Variants in PPP2R2C observed in about 807,000 individuals in gnomAD.
PPP2R2C encodes protein phosphatase 2, regulatory subunit B, gamma.
In PPP2R2C, 10 loss-of-function variants were observed where a neutral mutation model predicts 45.3. That is an observed-to-expected ratio of 0.22 (90% CI 0.14 to 0.37). PPP2R2C has a LOEUF of 0.37. PPP2R2C is among the 10% of genes least tolerant of loss of function. PPP2R2C has a pLI of 1.00. For missense variants in PPP2R2C, 308 were observed against 619.7 expected (o/e 0.50, Z 5.34); for synonymous variants, 257 against 245.4 (o/e 1.05, Z -0.44).
At chr4:6,446,687 A>T (rs1378071899) in intron 1 of PPP2R2C, among the ~76,000 whole-genome samples, 1 of 152,084 alleles carries the variant, frequency 6.6e-6, no homozygotes, top group East Asian at 1.9e-4. Context: ...ATCAGCCATC[A>T]GCTGACTGGA....
intron 1 of PPP2R2C, among the ~76,000 whole-genome samples, chr4:6,420,255 C>T (rs934335269): frequency 2.6e-5 from 4 of 152,208 alleles, no homozygotes; most frequent in African/African-American, 9.7e-5. Context: ...TGACAAATGA[C>T]CTGTTTCTTG....
At position 6,472,354 on chromosome 4, in the gene PPP2R2C, C is replaced by G; in HGVS notation, c.-125G>C. On this transcript the variant is annotated 5_prime_UTR_variant, in exon 1 of 9. Transcript: ENST00000382599. ...GCAGGGGCGCGGGCCGCCGGGGCCC[C>G]GAAGGGAGGGCATCGCGGCAGGGGG... The G allele has an allele frequency of 2.5e-6, 3 of 1,218,678 alleles. No individual in the cohort carries two copies. The highest frequency in any genetic ancestry group is 3.7e-5 in the East Asian group (1 of 27,268). The allele number at this position is 1,218,678 out of a possible 1,614,324, so 75.5% of individuals were successfully genotyped here.
chr4:6,496,347 C>G (rs763000603), intron 2 of PPP2R2C, among the ~76,000 whole-genome samples: 2 of 152,196 alleles, frequency 1.3e-5, no homozygotes, highest in African/African-American at 2.4e-5. Context: ...ACCCCACCAG[C>G]CCAGGCCTCT....
intron 1 of PPP2R2C, among the ~76,000 whole-genome samples, chr4:6,540,921 G>T (rs138968455): frequency 6.6e-6 from 1 of 152,230 alleles, no homozygotes; most frequent in South Asian, 2.1e-4. Flanking sequence ...ATCCAGCACT[G>T]GAGCAGAACT....
intron 1 of PPP2R2C, among the ~76,000 whole-genome samples, chr4:6,400,540 A>G (rs926552567): frequency 6.6e-6 from 1 of 152,210 alleles, no homozygotes; most frequent in Admixed American, 6.5e-5. Flanking sequence ...GGGTCCTAAG[A>G]CCAAAAAGTT....
chr4:6,354,896 C>T (rs559445842), intron 5 of PPP2R2C, among the ~76,000 whole-genome samples: 2 of 152,280 alleles, frequency 1.3e-5, no homozygotes, highest in African/African-American at 4.8e-5. Flanking sequence ...GTCCAATCAA[C>T]CCAGGTCGTG....
chr4:6,335,208 C>A (rs1732750961), intron 6 of PPP2R2C, among the ~76,000 whole-genome samples: 1 of 152,194 alleles, frequency 6.6e-6, no homozygotes, highest in Non-Finnish European at 1.5e-5. Context: ...CAGATACAGA[C>A]AATAAAACTA....
At chr4:6,477,360 A>T (rs956566853), upstream of PPP2R2C, among the ~76,000 whole-genome samples, 11 of 152,156 alleles carry the variant, frequency 7.2e-5, 1 homozygote, top group Admixed American at 2.0e-4. Context: ...TTGATCCACA[A>T]CCTTCTTAAA....
chr4:6,326,958 G>C (rs1049549747), intron 8 of PPP2R2C, among the ~76,000 whole-genome samples: 1 of 152,240 alleles, frequency 6.6e-6, no homozygotes, highest in African/African-American at 2.4e-5. Flanking sequence ...GGTCTGCAAG[G>C]ATGTGGGAAC....
chr4:6,511,591 G>A (rs796228940), intron 2 of PPP2R2C, among the ~76,000 whole-genome samples: 1 of 37,542 alleles, frequency 2.7e-5, no homozygotes, highest in Non-Finnish European at 6.0e-5. Context: ...GGTGGTGGTG[G>A]TGGTGATGGG....
chr4:6,398,472 A>C (rs575476760), intron 1 of PPP2R2C, among the ~76,000 whole-genome samples: 1 of 152,316 alleles, frequency 6.6e-6, no homozygotes, highest in South Asian at 2.1e-4. Flanking sequence ...AAACCAAAAT[A>C]CAAGAATGGT....
At chr4:6,558,596 T>C (rs1725487195) in intron 1 of PPP2R2C, among the ~76,000 whole-genome samples, 1 of 152,200 alleles carries the variant, frequency 6.6e-6, no homozygotes, top group African/African-American at 2.4e-5. Flanking sequence ...CTAGGTTGGA[T>C]TTCAGATTCT....
At chr4:6,358,469 A>T (rs1311224639) in intron 5 of PPP2R2C, among the ~76,000 whole-genome samples, 2 of 151,972 alleles carry the variant, frequency 1.3e-5, no homozygotes, top group Non-Finnish European at 2.9e-5. Flanking sequence ...TGGCAACAAA[A>T]GCCAAAATAG....
intron 1 of PPP2R2C, among the ~76,000 whole-genome samples, chr4:6,429,666 C>T (rs1284991879): frequency 6.6e-6 from 1 of 152,176 alleles, no homozygotes; most frequent in African/African-American, 2.4e-5. Context: ...AAAGCTCCGA[C>T]AGGGATGAAA....
chr4:6,345,149 T>A lies in PPP2R2C; in HGVS notation c.790+2697A>T, dbSNP rs1711720018. On this transcript the variant is annotated intron_variant, in intron 6 of 8. Coordinates refer to ENST00000382599, the MANE Select transcript of PPP2R2C (RefSeq NM_020416.4). The surrounding 1 kb of genome is among the most constrained non-coding windows in gnomAD (Gnocchi z 5.3). ...ACAACAGGGTGCCAATGAAGCCCCA[T>A]CCTCCTTCCCACAGGGCTCACACGG... Among the ~76,000 whole-genome samples, 2 of 152,290 alleles carry A rather than the reference T, an allele frequency of 1.3e-5. No individual in the cohort carries two copies. Among genetic ancestry groups the A allele is most frequent in the African/African-American group, 4.8e-5 (2 of 41,558 alleles).
chr4:6,466,969 G>A (rs1721632571), intron 1 of PPP2R2C, among the ~76,000 whole-genome samples: 1 of 152,150 alleles, frequency 6.6e-6, no homozygotes, highest in Non-Finnish European at 1.5e-5. Context: ...TTTTACACGT[G>A]TAGAACTTCA....
intron 1 of PPP2R2C, among the ~76,000 whole-genome samples, chr4:6,549,308 C>T (rs1272181560): frequency 1.3e-5 from 2 of 152,180 alleles, no homozygotes; most frequent in Non-Finnish European, 2.9e-5. Context: ...CCACACCAGC[C>T]TCCTTGCTGC....
rs949305562 is a variant in PPP2R2C, at chr4:6,368,454, A to G, written c.625+4069T>C. 3.3e-5 allele frequency among the ~76,000 whole-genome samples: 5 copies of G among 152,328 alleles called. No individual in the cohort carries two copies. The East Asian group carries it at 7.7e-4, about 24-fold the overall frequency. On this transcript the variant is annotated intron_variant, in intron 5 of 8. Coordinates refer to ENST00000382599, the MANE Select transcript of PPP2R2C (RefSeq NM_020416.4). The surrounding 1 kb of genome is among the most constrained non-coding windows in gnomAD (Gnocchi z 4.2). ...CAGCATCACCCAAGAGGGCTGGCACACAGTAGGTGCTTAATAAATACCTGC... is the reference window on the plus strand; with the variant it reads ...CAGCATCACCCAAGAGGGCTGGCACGCAGTAGGTGCTTAATAAATACCTGC...
intron 1 of PPP2R2C, among the ~76,000 whole-genome samples, chr4:6,399,605 A>G (rs1025633864): frequency 6.6e-6 from 1 of 152,212 alleles, no homozygotes; most frequent in African/African-American, 2.4e-5. Context: ...CCAGGTGTAC[A>G]CAGCTTCCAG....
Sources: gnomAD v4.1 joint callset for allele counts (sites outside exome capture counted in the v4.1 genomes callset) on GRCh38, gnomAD v4.1.1 for gene constraint, Gnocchi (gnomAD v3.1) non-coding constraint, MANE v1.5 for transcripts, NCBI Gene and HGNC (gene_info 2026-07-23, HGNC 2026-07-21) for gene names.